Variants in MTO1 observed in about 807,000 individuals in gnomAD.
MTO1 encodes the protein 5-taurinomethyluridine-[tRNA] synthase subunit MTO1, mitochondrial.
In MTO1, 46 loss-of-function variants were observed where a neutral mutation model predicts 71.6. The ratio of observed to expected loss-of-function variants is 0.64; its 90% CI spans 0.51 to 0.82. MTO1 has a LOEUF of 0.82. Ranked by LOEUF, MTO1 falls within the 40% of genes least tolerant of loss-of-function variation. The pLI, the probability that MTO1 is intolerant of heterozygous loss-of-function variation, is 0.00. For missense variants in MTO1, 773 were observed against 867.5 expected (o/e 0.89, Z 1.37); for synonymous variants, 297 against 312.1 (o/e 0.95, Z 0.51).
chr6:73,494,310 G>C (rs892616980), intron 10 of MTO1, among the ~76,000 whole-genome samples: 24 of 152,104 alleles, frequency 1.6e-4, no homozygotes, highest in Middle Eastern at 3.4e-3. Context: ...TTTCATGGGT[G>C]GAAAATGATG....
chr6:73,489,278 C>CT (rs35006239), intron 9 of MTO1, among the ~76,000 whole-genome samples: 91,467 of 143,342 alleles, frequency 0.64, 29,311 homozygotes, highest in South Asian at 0.68. Context: ...TTCTTTTTTT[C>CT]TTTTTTTTTT....
At chr6:73,499,452 G>A (rs1441419479) in intron 11 of MTO1, among the ~76,000 whole-genome samples, 1 of 150,960 alleles carries the variant, frequency 6.6e-6, no homozygotes, top group Non-Finnish European at 1.5e-5. Flanking sequence ...AGCCCAGGAG[G>A]TAGAGGCTGC....
At chr6:73,484,513 C>A (rs1771599250) in intron 9 of MTO1, among the ~76,000 whole-genome samples, 2 of 152,042 alleles carry the variant, frequency 1.3e-5, no homozygotes, top group South Asian at 4.1e-4. Flanking sequence ...CCCTAATCAC[C>A]TCCTAAGGGC....
chr6:73,499,946 C>T lies in MTO1; in HGVS notation c.1918-628C>T, dbSNP rs189157692. Among the ~76,000 whole-genome samples, 833 of 152,282 alleles carry T rather than the reference C, an allele frequency of 5.5e-3. 10 individuals are homozygous for T. Among genetic ancestry groups the T allele is most frequent in the African/African-American group, 0.019 (789 of 41,562 alleles). ...CTGCTGAGGCTGTTACATTAGGTAC[C>T]GCCTCAAGGATTAGATATATCTTAT... is the stretch of plus-strand genomic sequence containing the variant. On this transcript the variant is annotated intron_variant, in intron 11 of 11. Transcript: ENST00000498286.
At chr6:73,464,346 A>G (rs1340129319) in intron 1 of MTO1, among the ~76,000 whole-genome samples, 1 of 152,268 alleles carries the variant, frequency 6.6e-6, no homozygotes, top group African/African-American at 2.4e-5. Context: ...TATGTTAGGT[A>G]ACTTGCCATG....
chr6:73,489,029 A>T (rs1399415057), intron 9 of MTO1, among the ~76,000 whole-genome samples: 1 of 152,240 alleles, frequency 6.6e-6, no homozygotes, highest in Admixed American at 6.5e-5. Flanking sequence ...AGCTAATGTC[A>T]TGAAGCTTTT....
At chr6:73,491,174 C>T (rs1391861225) in intron 9 of MTO1, among the ~76,000 whole-genome samples, 1 of 151,838 alleles carries the variant, frequency 6.6e-6, no homozygotes, top group Non-Finnish European at 1.5e-5. Context: ...AGGCTTTAGC[C>T]CATCCAGAGT....
chr6:73,480,568 C>T, intron 6 of MTO1, 107 bp from the exon 7 acceptor site: 1 of 1,406,298 alleles, frequency 7.1e-7, no homozygotes, highest in Non-Finnish European at 9.9e-7. Flanking sequence ...CTGCTCCTGA[C>T]CTAAATAGTC....
In MTO1 at chr6:73,461,796, T is replaced by A; in HGVS notation, c.-59T>A. 2 of 1,558,972 alleles carry A rather than the reference T, an allele frequency of 1.3e-6. No individual in the cohort carries two copies. The highest frequency in any genetic ancestry group is 1.8e-6 in the Non-Finnish European group (2 of 1,136,652). ...GCCCTGCAGATTGTCTCTTGTTGCGTAAGTTTTTTTGACCGTCACTCGTGT... is the reference window on the plus strand; with the variant it reads ...GCCCTGCAGATTGTCTCTTGTTGCGAAAGTTTTTTTGACCGTCACTCGTGT... On this transcript the variant is annotated 5_prime_UTR_variant, in exon 1 of 12. The change abolishes the stop of an existing upstream ORF in the 5' untranslated region. Coordinates refer to ENST00000498286, the MANE Select transcript of MTO1 (RefSeq NM_012123.4).
intron 4 of MTO1, among the ~76,000 whole-genome samples, chr6:73,476,303 G>T (rs985354263): frequency 6.6e-6 from 1 of 151,198 alleles, no homozygotes; most frequent in Admixed American, 6.6e-5. Flanking sequence ...GAACCTGGGA[G>T]GCAGAGGTTG....
intron 4 of MTO1, among the ~76,000 whole-genome samples, chr6:73,477,912 G>A (rs530588537): frequency 1.3e-5 from 2 of 152,042 alleles, no homozygotes; most frequent in East Asian, 3.9e-4. Context: ...TAATGGTGCC[G>A]ACATTTTTGA....
chr6:73,478,410 C>T, intron 4 of MTO1, among the ~76,000 whole-genome samples: 1 of 150,648 alleles, frequency 6.6e-6, no homozygotes, highest in Non-Finnish European at 1.5e-5. Flanking sequence ...TGAGACCCTG[C>T]CTGTACAAAA....
rs551870135 is a variant in MTO1, at chr6:73,473,761, C to G, written c.825+107C>G. ...TTTGGCAGCAGTTCACTTTATAGCACTATTGCTTATAGTGCAAAGAAATGA... is the reference window on the plus strand; with the variant it reads ...TTTGGCAGCAGTTCACTTTATAGCAGTATTGCTTATAGTGCAAAGAAATGA... On this transcript the variant is annotated intron_variant, in intron 4 of 11. Coordinates refer to ENST00000498286, the MANE Select transcript of MTO1 (RefSeq NM_012123.4). 232 of 820,330 alleles carry G rather than the reference C, an allele frequency of 2.8e-4. No individual in the cohort carries two copies. In the African/African-American group the frequency reaches 3.6e-3, roughly 13 times the overall value. The allele number at this position is 820,330 out of a possible 1,614,324, so 50.8% of individuals were successfully genotyped here.
rs1273502029 is a variant in MTO1, at chr6:73,505,516, CTA to C, written c.*4783_*4784del. The stretch of plus-strand genomic sequence containing the variant: ...GGATGGGGGAGGGAGAAACAGGAAA[CTA>C]TTCTTTAGTGAGTACAGAATTTCAG... On this transcript the variant is annotated 3_prime_UTR_variant, in exon 12 of 12. Coordinates refer to ENST00000498286, the MANE Select transcript of MTO1 (RefSeq NM_012123.4). 1 of 152,038 alleles carries C rather than the reference CTA, an allele frequency of 6.6e-6. No individual in the cohort carries two copies. Among genetic ancestry groups the C allele is most frequent in the Non-Finnish European group, 1.5e-5 (1 of 68,042 alleles). 9.4% of individuals were successfully genotyped at this position (152,038 alleles called of 1,614,324 possible). A position where few individuals can be genotyped will look rare whatever the true frequency, so the allele number is the denominator to read the frequency against.
Position 73,503,237 on chromosome 6 carries a change from T to C in MTO1, c.*2502T>C, listed in dbSNP as rs1489458513. Reference sequence around the variant, plus strand: ...GATCCTTATGCCTCAGCCTCCCAAGTGGCTGGGACTACAGGCACATGCCAC... The same window carrying C: ...GATCCTTATGCCTCAGCCTCCCAAGCGGCTGGGACTACAGGCACATGCCAC... On this transcript the variant is annotated 3_prime_UTR_variant, in exon 12 of 12. Coordinates refer to ENST00000498286, the MANE Select transcript of MTO1 (RefSeq NM_012123.4). 1.3e-5 allele frequency: 2 copies of C among 152,110 alleles called. No homozygotes were observed. Among genetic ancestry groups the C allele is most frequent in the African/African-American group, 4.8e-5 (2 of 41,418 alleles). 9.4% of individuals were successfully genotyped at this position (152,110 alleles called of 1,614,324 possible).
chr6:73,486,643 C>T (rs979182009), intron 9 of MTO1: 1 of 426,282 alleles, frequency 2.3e-6, no homozygotes, highest in Non-Finnish European at 4.7e-6. Context: ...GAGGCAGAGG[C>T]AGGAGAATCG....
In MTO1 at chr6:73,482,449, G is replaced by A; in HGVS notation, c.1466G>A (p.Gly489Glu). The stretch of plus-strand genomic sequence containing the variant: ...TATATTCTCTTTCTCCCTTCCCTAG[G>A]GTATAAAGACGCTGGCTGTGTGTCC... Reference protein sequence around the residue: ...DNADSRLTLRGYKDAGCVSQQ... With the variant: ...DNADSRLTLREYKDAGCVSQQ... The change falls in exon 9 of 12, where the codon GGG becomes GAG. Residue 489 changes from glycine to glutamate, a missense_variant and splice_region_variant. Transcript: ENST00000498286. The A allele has an allele frequency of 6.2e-7, 1 of 1,608,270 alleles. No homozygotes were observed. Among genetic ancestry groups the A allele is most frequent in the Non-Finnish European group, 8.5e-7 (1 of 1,178,584 alleles).
intron 7 of MTO1, chr6:73,481,243 C>G (rs80133280): frequency 2.6e-3 from 442 of 171,108 alleles, no homozygotes; most frequent in African/African-American, 9.5e-3. Context: ...TGTGAACCAC[C>G]TTGCCCAGCC....
chr6:73,472,509 T>C (rs1042651314), intron 3 of MTO1, among the ~76,000 whole-genome samples: 12 of 152,200 alleles, frequency 7.9e-5, no homozygotes, highest in Non-Finnish European at 1.6e-4. Flanking sequence ...ATTGCTTAGA[T>C]TGAGATTGAT....
Sources: gnomAD v4.1 joint callset for allele counts (sites outside exome capture counted in the v4.1 genomes callset) on GRCh38, gnomAD v4.1.1 for gene constraint, MANE v1.5 for transcripts, NCBI Gene and HGNC (gene_info 2026-07-23, HGNC 2026-07-21) for gene names.